UPK3A: variants seen among roughly 807,000 people sequenced by gnomAD.
The protein encoded by UPK3A is uroplakin 3A.
A neutral mutation model predicts 27.6 loss-of-function variants in UPK3A; 32 were observed. The ratio of observed to expected loss-of-function variants is 1.16; its 90% CI spans 0.87 to 1.55. UPK3A has a LOEUF of 1.55. UPK3A is among the 40% of genes most tolerant of loss of function. UPK3A has a pLI of 0.00. For synonymous variants in UPK3A, 171 were observed against 163.9 expected, an observed-to-expected ratio of 1.04 and a Z score of -0.33; for missense variants, 370 against 367.9, an observed-to-expected ratio of 1.01 and a Z score of -0.05.
At chr22:45,290,132 G>A (rs1033085668) in intron 4 of UPK3A, among the ~76,000 whole-genome samples, 4 of 152,190 alleles carry the variant, frequency 2.6e-5, no homozygotes, top group African/African-American at 4.8e-5. Flanking sequence ...GGAACGCCAG[G>A]GTGCTGCGCT....
Position 45,286,065 on chromosome 22 carries a change from C to A in UPK3A, c.177C>A (p.His59Gln), listed in dbSNP as rs373727286. 33 of 1,614,054 alleles carry A rather than the reference C, an allele frequency of 2.0e-5. No homozygotes were observed. The highest frequency in any genetic ancestry group is 2.8e-5 in the Non-Finnish European group (33 of 1,180,040). ...GCAAAGAGGCCCTCACTGGCACCCACGAGGTCTACCTGTATGTCCTGGTCG... is the reference window on the plus strand; with the variant it reads ...GCAAAGAGGCCCTCACTGGCACCCAAGAGGTCTACCTGTATGTCCTGGTCG... ...FDSKEALTGTHEVYLYVLVDS... is the reference protein window; with the variant it reads ...FDSKEALTGTQEVYLYVLVDS... Residue 59 changes from histidine (H) to glutamine (Q), a missense_variant, in exon 2 of 6, where the codon CAC becomes CAA. By Grantham distance (24) the His-to-Gln change is conservative. Transcript: ENST00000216211.
Position 45,287,426 on chromosome 22 carries a change from C to G in UPK3A, c.463C>G (p.Pro155Ala), listed in dbSNP as rs377117898. The change falls in exon 3 of 6, where the codon CCC becomes GCC. Residue 155 changes from proline to alanine, a missense_variant. Pro to Ala is a conservative substitution (Grantham distance 27, BLOSUM62 -1). Coordinates refer to ENST00000216211, the MANE Select transcript of UPK3A (RefSeq NM_006953.4). ...DPNFQGLCNA[P>A]LSAATEYRFK... Reference sequence around the variant, plus strand: ...CAACTTCCAGGGCCTCTGTAACGCACCCCTGTCGGCAGCCACGGAGTACAG... The same window carrying G: ...CAACTTCCAGGGCCTCTGTAACGCAGCCCTGTCGGCAGCCACGGAGTACAG... 6.2e-7 allele frequency: 1 copy of G among 1,602,656 alleles called. No individual in the cohort carries two copies. The highest frequency in any genetic ancestry group is 1.7e-5 in the Admixed American group (1 of 57,712).
Position 45,293,290 on chromosome 22 carries a change from T to C in UPK3A, c.681T>C (p.Ala227=). The C allele has an allele frequency of 6.2e-7, 1 of 1,614,058 alleles. No homozygotes were observed. Among genetic ancestry groups the C allele is most frequent in the Non-Finnish European group, 8.5e-7 (1 of 1,180,032 alleles). ...SLPFFLLVGF[A]GAIALSLVDM... Reference sequence around the variant, plus strand: ...CCTTCTTTCTACTTGTGGGTTTTGCTGGCGCCATTGCCCTCAGCCTCGTGT... The same window carrying C: ...CCTTCTTTCTACTTGTGGGTTTTGCCGGCGCCATTGCCCTCAGCCTCGTGT... The change falls in exon 5 of 6, where the codon GCT becomes GCC. Residue 227 remains alanine (A), a synonymous_variant. Transcript: ENST00000216211.
chr22:45,290,030 C>T (rs1601848895), intron 4 of UPK3A, among the ~76,000 whole-genome samples: 1 of 152,198 alleles, frequency 6.6e-6, no homozygotes, highest in Non-Finnish European at 1.5e-5. Context: ...AAGATGTTTC[C>T]AAGGCCTAAA....
chr22:45,293,801 GA>G (rs1239334684), intron 5 of UPK3A, among the ~76,000 whole-genome samples: 1 of 152,192 alleles, frequency 6.6e-6, no homozygotes, highest in Non-Finnish European at 1.5e-5. Flanking sequence ...TACAGAGGGG[GA>G]AACTGAGGCC....
intron 4 of UPK3A, among the ~76,000 whole-genome samples, chr22:45,290,534 G>A (rs1259245374): frequency 1.3e-5 from 2 of 152,072 alleles, no homozygotes; most frequent in African/African-American, 4.8e-5. Context: ...TTACGGTGTT[G>A]CGTATGTGTG....
chr22:45,295,695 G>A lies in UPK3A; in HGVS notation c.840G>A (p.Val280=). 1.2e-6 allele frequency: 2 copies of A among 1,613,962 alleles called. No individual in the cohort carries two copies. The highest frequency in any genetic ancestry group is 1.7e-6 in the Non-Finnish European group (2 of 1,180,020). ...GGCCGCCACTGGACAGGGCTGAGGTGTATTCCAGCAAGCTCCAAGACTGAG... is the reference window on the plus strand; with the variant it reads ...GGCCGCCACTGGACAGGGCTGAGGTATATTCCAGCAAGCTCCAAGACTGAG... The part of the protein sequence containing the change: ...NRGPPLDRAE[V]YSSKLQD Residue 280 remains valine (V), a synonymous_variant, in exon 6 of 6, where the codon GTG becomes GTA. Coordinates refer to ENST00000216211, the MANE Select transcript of UPK3A (RefSeq NM_006953.4).
At chr22:45,294,866 C>G (rs933735912) in intron 5 of UPK3A, among the ~76,000 whole-genome samples, 2 of 151,138 alleles carry the variant, frequency 1.3e-5, no homozygotes, top group Non-Finnish European at 2.9e-5. Flanking sequence ...GGATGCCTTT[C>G]TCTTCCCCTA....
At chr22:45,294,882 CT>C (rs533550582) in intron 5 of UPK3A, among the ~76,000 whole-genome samples, 1,701 of 134,846 alleles carry the variant, frequency 0.013, 13 homozygotes, top group African/African-American at 0.031. Flanking sequence ...CCCTACGCTC[CT>C]TTTTTTTTTT....
rs2084175418 is a variant in UPK3A, at chr22:45,293,406, G to A, written c.704+93G>A. 9.1e-6 allele frequency: 14 copies of A among 1,540,700 alleles called. No individual in the cohort carries two copies. The South Asian group carries it at 1.5e-4, about 16-fold the overall frequency. ...TCAGCAGTGGGGTCCTCCGAGGCAG[G>A]GGACAGCCCGGAAGGCAAGGAAGCT... On this transcript the variant is annotated intron_variant, in intron 5 of 5. Coordinates refer to ENST00000216211, the MANE Select transcript of UPK3A (RefSeq NM_006953.4).
At chr22:45,286,418 C>G (rs561784930) in intron 2 of UPK3A, among the ~76,000 whole-genome samples, 5 of 152,156 alleles carry the variant, frequency 3.3e-5, no homozygotes, top group East Asian at 1.9e-4. Context: ...AATAACCCCC[C>G]CTGGACCTCC....
intron 5 of UPK3A, among the ~76,000 whole-genome samples, chr22:45,294,447 G>A (rs1201964716): frequency 1.3e-5 from 2 of 151,832 alleles, no homozygotes; most frequent in Non-Finnish European, 2.9e-5. Flanking sequence ...CTCATCCAAA[G>A]CTGACACAAA....
chr22:45,285,150 C>T (rs534193782), intron 1 of UPK3A, 85 bp downstream of exon 1: 1 of 1,301,586 alleles, frequency 7.7e-7, no homozygotes, highest in Non-Finnish European at 1.0e-6. Context: ...GACCCTGATT[C>T]CTGGCGCTGG....
intron 2 of UPK3A, 91 bp downstream of exon 2, chr22:45,286,187 T>C: frequency 6.5e-7 from 1 of 1,528,910 alleles, no homozygotes; most frequent in Non-Finnish European, 8.9e-7. Flanking sequence ...GAACCCTCCA[T>C]GCCTGTAGTC....
At chr22:45,291,137 G>T (rs1438504999) in intron 4 of UPK3A, among the ~76,000 whole-genome samples, 3 of 152,166 alleles carry the variant, frequency 2.0e-5, no homozygotes, top group Non-Finnish European at 2.9e-5. Flanking sequence ...CCACAAAACC[G>T]ATCCCTGGTG....
rs1440337758 is a variant in UPK3A at position 45,287,257 on chromosome 22, T to A, written c.294T>A (p.Gly98=). Residue 98 remains glycine (G), a synonymous_variant, in exon 3 of 6, where the codon GGT becomes GGA. Transcript: ENST00000216211. ...TFLQTEGGRT[G]PYKAVAFDLI... is the part of the protein sequence containing the mutation. The stretch of plus-strand genomic sequence containing the variant: ...TACAAACAGAGGGTGGGAGGACAGG[T>A]CCCTACAAAGCTGTGGCCTTTGACC... 4 of 1,613,942 alleles carry A rather than the reference T, an allele frequency of 2.5e-6. No individual in the cohort carries two copies. The highest frequency in any genetic ancestry group is 1.7e-5 in the Admixed American group (1 of 59,988).
chr22:45,290,855 C>T (rs112681740), intron 4 of UPK3A, among the ~76,000 whole-genome samples: 1 of 152,106 alleles, frequency 6.6e-6, no homozygotes, highest in Non-Finnish European at 1.5e-5. Flanking sequence ...TTGTGAACTG[C>T]GCATGCCAGG....
chr22:45,295,598 C>T lies in UPK3A; in HGVS notation c.743C>T (p.Ser248Phe), dbSNP rs376723571. 2 of 1,614,000 alleles carry T rather than the reference C, an allele frequency of 1.2e-6. No homozygotes were observed. The highest frequency in any genetic ancestry group is 1.7e-6 in the Non-Finnish European group (2 of 1,180,052). ...GSSDGETTHD[S>F]QITQEAVPKS... Reference sequence around the variant, plus strand: ...TCTGATGGGGAAACGACTCACGACTCCCAAATCACTCAGGAGGCTGTTCCC... The same window carrying T: ...TCTGATGGGGAAACGACTCACGACTTCCAAATCACTCAGGAGGCTGTTCCC... The change falls in exon 6 of 6, where the codon TCC (serine) becomes TTC (phenylalanine). Residue 248 changes from serine (S) to phenylalanine (F), a missense_variant. Physicochemically the swap from Ser to Phe is radical, Grantham distance 155 (BLOSUM62 -2). Coordinates refer to ENST00000216211, the MANE Select transcript of UPK3A (RefSeq NM_006953.4).
chr22:45,293,200 C>G lies in UPK3A; in HGVS notation c.591C>G (p.Ile197Met). 1 of 1,613,994 alleles carries G rather than the reference C, an allele frequency of 6.2e-7. No individual in the cohort carries two copies. The highest frequency in any genetic ancestry group is 8.5e-7 in the Non-Finnish European group (1 of 1,180,038). ...CCACAGTCACCCCATACTCGACGAT[C>G]GACACGTGGCCAGGCCGGCGGAGCG... ...RTNQLTPYST[I>M]DTWPGRRSGG... is the part of the protein sequence containing the mutation. Residue 197 changes from isoleucine (I) to methionine (M), a missense_variant, in exon 5 of 6, where the codon ATC (isoleucine) becomes ATG (methionine). Transcript: ENST00000216211.
Sources: gnomAD v4.1 joint callset for allele counts (sites outside exome capture counted in the v4.1 genomes callset) on GRCh38, gnomAD v4.1.1 for gene constraint, MANE v1.5 for transcripts, NCBI Gene and HGNC (gene_info 2026-07-23, HGNC 2026-07-21) for gene names.